HK2: variants seen among roughly 807,000 people sequenced by gnomAD.
The protein encoded by HK2 is hexokinase 2.
A neutral mutation model predicts 92.9 loss-of-function variants in HK2; 42 were observed. That is an observed-to-expected ratio of 0.45 (90% CI 0.35 to 0.58). The LOEUF is 0.58. Ranked by LOEUF, HK2 falls within the 20% of genes least tolerant of loss-of-function variation. HK2 has a pLI of 0.00. For missense variants in HK2, 978 were observed against 1,245.1 expected, an observed-to-expected ratio of 0.79 and a Z score of 3.23; for synonymous variants, 422 against 468.0, an observed-to-expected ratio of 0.90 and a Z score of 1.27.
At position 74,881,860 on chromosome 2, in the gene HK2, G is replaced by A; in HGVS notation, c.1719+1G>A. 1.2e-6 allele frequency: 2 copies of A among 1,614,202 alleles called. No individual in the cohort carries two copies. The highest frequency in any genetic ancestry group is 8.5e-7 in the Non-Finnish European group (1 of 1,180,026). On this transcript the variant is annotated splice_donor_variant, in intron 11 of 17. Coordinates refer to ENST00000290573, the MANE Select transcript of HK2 (RefSeq NM_000189.5). LOFTEE classifies it high-confidence loss of function. ...GGTCATGCACGGCACCGGGGACGAG[G>A]TGAGCAGGGCGGCGCCTTCAGGAGG...
chr2:74,886,303 C>T lies in HK2; in HGVS notation c.1945C>T (p.Leu649=). The T allele has an allele frequency of 6.2e-7, 1 of 1,614,024 alleles. No homozygotes were observed. Residue 649 remains leucine (L), a synonymous_variant, in exon 14 of 18, where the codon CTG becomes TTG. Transcript: ENST00000290573. ...GCTTCTTCCCTCTCAGGAGTTTGAC[C>T]TGGATGTGGTTGCTGTGGTGAACGA... ...EAIHRREEFD[L]DVVAVVNDTV...
rs577985300 is a variant in HK2, at chr2:74,866,285, T to A, written c.227-1351T>A. On this transcript the variant is annotated intron_variant, in intron 2 of 17. Transcript: ENST00000290573. ...AGCATCTCCCTGACCTCTGACCCAT[T>A]CCGCTTCACTTCAGTGCTGTTCTCC... Among the ~76,000 whole-genome samples, 10 of 152,290 alleles carry A rather than the reference T, an allele frequency of 6.6e-5. No homozygotes were observed. The South Asian group carries it at 2.1e-3, about 32-fold the overall frequency.
chr2:74,845,315 A>G (rs1414696563), intron 1 of HK2, among the ~76,000 whole-genome samples: 3 of 152,060 alleles, frequency 2.0e-5, no homozygotes, highest in African/African-American at 7.2e-5. Context: ...GGCACACTCA[A>G]CTTGGCACTC....
At chr2:74,869,338 G>T (rs1173620055) in intron 3 of HK2, among the ~76,000 whole-genome samples, 2 of 152,136 alleles carry the variant, frequency 1.3e-5, no homozygotes, top group East Asian at 3.9e-4. Flanking sequence ...AGTTCATTGT[G>T]GCTATTTTAG....
chr2:74,887,088 G>A (rs1280195612), intron 15 of HK2, among the ~76,000 whole-genome samples: 1 of 152,244 alleles, frequency 6.6e-6, no homozygotes, highest in Non-Finnish European at 1.5e-5. Flanking sequence ...ACAAGGTCCT[G>A]TGCATGGTAG....
rs1689660195 is a variant in HK2, at chr2:74,890,861, C to T, written c.2674C>T (p.Gln892Ter). ...LAPKCDVSFL[Q>*]SEDGSGKGAA... ...TCCGAAATGTGATGTGTCTTTCCTG[C>T]AGTCAGAGGATGGCAGCGGGAAGGG... The change falls in exon 18 of 18, where the codon CAG (glutamine) becomes TAG (stop). Residue 892 changes from glutamine (Q) to a stop codon, truncating the protein, a stop_gained. Coordinates refer to ENST00000290573, the MANE Select transcript of HK2 (RefSeq NM_000189.5). LOFTEE classifies it high-confidence loss of function. 6.2e-7 allele frequency: 1 copy of T among 1,614,188 alleles called. No individual in the cohort carries two copies. Among genetic ancestry groups the T allele is most frequent in the Non-Finnish European group, 8.5e-7 (1 of 1,180,030 alleles).
intron 1 of HK2, among the ~76,000 whole-genome samples, chr2:74,835,559 C>T (rs1413867665): frequency 2.6e-5 from 4 of 152,146 alleles, no homozygotes; most frequent in African/African-American, 9.7e-5. Flanking sequence ...TAAGAAAGAG[C>T]CTCAGGCCAA....
intron 9 of HK2, among the ~76,000 whole-genome samples, chr2:74,879,486 C>T (rs763289212): frequency 1.3e-5 from 2 of 152,206 alleles, no homozygotes; most frequent in East Asian, 3.8e-4. Context: ...CTTAACTTGT[C>T]GGTGCAGGAG....
Position 74,854,844 on chromosome 2 carries a change from C to T in HK2, c.226+389C>T, listed in dbSNP as rs534293435. 1.1e-4 allele frequency among the ~76,000 whole-genome samples: 17 copies of T among 152,338 alleles called. No individual in the cohort carries two copies. In the East Asian group the frequency reaches 3.3e-3, roughly 29 times the overall value. On this transcript the variant is annotated intron_variant, in intron 2 of 17. Transcript: ENST00000290573. ...AGGCCGTGGGAGCCGCTCTGTGGCT[C>T]ACCTGTGCATGCTCTAACTGGGACG...
At chr2:74,866,293 A>C (rs1314645588) in intron 2 of HK2, among the ~76,000 whole-genome samples, 1 of 152,110 alleles carries the variant, frequency 6.6e-6, no homozygotes, top group Admixed American at 6.5e-5. Context: ...ATTCCGCTTC[A>C]CTTCAGTGCT....
At chr2:74,884,893 A>G (rs1558805079) in intron 12 of HK2, among the ~76,000 whole-genome samples, 1 of 152,198 alleles carries the variant, frequency 6.6e-6, no homozygotes, top group Non-Finnish European at 1.5e-5. Context: ...AGGAGCCTGG[A>G]GTTGTTTTCC....
chr2:74,842,476 T>C (rs773838123), intron 1 of HK2, among the ~76,000 whole-genome samples: 1 of 152,198 alleles, frequency 6.6e-6, no homozygotes, highest in South Asian at 2.1e-4. Context: ...CATCTGTACA[T>C]AGGGAGAGAC....
In HK2 at chr2:74,885,552, T is replaced by C; in HGVS notation, c.1898T>C (p.Val633Ala). 6.2e-7 allele frequency: 1 copy of C among 1,613,922 alleles called. No individual in the cohort carries two copies. The highest frequency in any genetic ancestry group is 1.3e-5 in the African/African-American group (1 of 74,970). ...FKASGCEGEDVVTLLKEAIHR... is the reference protein window; with the variant it reads ...FKASGCEGEDAVTLLKEAIHR... ...GCATCTGGCTGCGAGGGCGAGGACG[T>C]GGTGACCCTGCTGAAGGAAGCGATC... Residue 633 changes from valine (V) to alanine (A), a missense_variant, in exon 13 of 18, where the codon GTG becomes GCG. Val to Ala is a moderately conservative substitution (Grantham distance 64, BLOSUM62 0). Around this residue, in one of 3 missense-constraint regions of HK2, gnomAD observed 742 missense variants for 922.5 expected, o/e 0.80. Coordinates refer to ENST00000290573, the MANE Select transcript of HK2 (RefSeq NM_000189.5).
intron 2 of HK2, among the ~76,000 whole-genome samples, chr2:74,861,239 T>C (rs1688817921): frequency 6.6e-6 from 1 of 152,056 alleles, no homozygotes; most frequent in Non-Finnish European, 1.5e-5. Context: ...GGCCAACATG[T>C]TGAAACCCCA....
Position 74,878,772 on chromosome 2 carries a change from C to T in HK2, c.1116C>T (p.His372=). ...CTCAGGAGGACTGCGTGGCCACTCA[C>T]CGGATCTGCCAGATCGTGTCCACAC... ...DPTQEDCVAT[H]RICQIVSTRS... is the part of the protein sequence containing the mutation. Residue 372 remains histidine, a synonymous_variant, in exon 9 of 18, where the codon CAC becomes CAT. Coordinates refer to ENST00000290573, the MANE Select transcript of HK2 (RefSeq NM_000189.5). 2 of 1,584,130 alleles carry T rather than the reference C, an allele frequency of 1.3e-6. No individual in the cohort carries two copies. The highest frequency in any genetic ancestry group is 1.7e-6 in the Non-Finnish European group (2 of 1,165,308).
At chr2:74,870,314 T>A (rs1274476217) in intron 3 of HK2, among the ~76,000 whole-genome samples, 2 of 152,180 alleles carry the variant, frequency 1.3e-5, no homozygotes, top group Non-Finnish European at 2.9e-5. Context: ...CGGCCTGTTT[T>A]AAAAATTCTA....
intron 8 of HK2, among the ~76,000 whole-genome samples, chr2:74,878,019 A>T (rs896305811): frequency 2.3e-4 from 35 of 151,700 alleles, no homozygotes; most frequent in African/African-American, 8.2e-4. Flanking sequence ...TTAAGGGGAA[A>T]CTCTTGAAGG....
rs1185330233 is a variant in HK2, at chr2:74,880,251, C to T, written c.1266-14C>T. The stretch of plus-strand genomic sequence containing the variant: ...CATGGACACCTGTCTCTTACCCGCC[C>T]TGGGGAACTGCAGTTTTGCCAAGCG... On this transcript the variant is annotated splice_polypyrimidine_tract_variant and intron_variant, in intron 9 of 17. Transcript: ENST00000290573. 1 of 1,613,996 alleles carries T rather than the reference C, an allele frequency of 6.2e-7. No homozygotes were observed. Among genetic ancestry groups the T allele is most frequent in the Non-Finnish European group, 8.5e-7 (1 of 1,180,004 alleles).
chr2:74,872,857 C>A (rs1326083113), intron 4 of HK2, among the ~76,000 whole-genome samples: 1 of 152,180 alleles, frequency 6.6e-6, no homozygotes, highest in African/African-American at 2.4e-5. Flanking sequence ...TGCACTTACA[C>A]AAACCTAGAT....
Sources: allele counts gnomAD v4.1 joint callset (sites outside exome capture counted in the v4.1 genomes callset), GRCh38; gene constraint gnomAD v4.1.1; regional missense constraint gnomAD v4.1.1; transcripts MANE v1.5; gene names NCBI Gene and HGNC (gene_info 2026-07-23, HGNC 2026-07-21).